The following GALNT17 variants were observed in gnomAD, a reference collection of about 807,000 sequenced individuals.
GALNT17 encodes the protein UDP-GalNAc:polypeptide N-acetylgalactosaminyltransferase-like 3.
A neutral mutation model predicts 63.7 loss-of-function variants in GALNT17; 29 were observed. The observed-to-expected ratio is 0.46, with a 90% CI of 0.34 to 0.62. The LOEUF is 0.62. Among genes scored for constraint, GALNT17 ranks in the 20% least tolerant of loss-of-function variants. The pLI, the probability that GALNT17 is intolerant of heterozygous loss-of-function variation, is 0.01. For synonymous variants in GALNT17, 305 were observed against 318.3 expected (o/e 0.96, Z 0.45); for missense variants, 603 against 799.6 (o/e 0.75, Z 2.97).
intron 1 of GALNT17, among the ~76,000 whole-genome samples, chr7:71,268,549 CAATAAATAAATAAATAAATAAATA>C (rs3061640): frequency 1.5e-5 from 2 of 135,238 alleles, no homozygotes; most frequent in Non-Finnish European, 3.1e-5. Flanking sequence ...AGATCCATCT[CAATAAATAAATAAATAAATAAATA>C]AATAAATAAA....
intron 5 of GALNT17, among the ~76,000 whole-genome samples, chr7:71,457,940 A>T (rs973430818): frequency 5.9e-5 from 9 of 152,080 alleles, no homozygotes; most frequent in Admixed American, 1.3e-4. Flanking sequence ...TACACATTTT[A>T]TCCAGAACAG....
chr7:71,410,248 ATT>A (rs201714940), intron 3 of GALNT17, among the ~76,000 whole-genome samples: 18,060 of 141,088 alleles, frequency 0.13, 1,222 homozygotes, highest in Middle Eastern at 0.2. Context: ...TTCTTTCCTG[ATT>A]TTTTTTTTTT....
rs148889916 is a variant in GALNT17 at position 71,627,419 on chromosome 7, G to A, written c.1081-37992G>A. ...GGGCAACAGAGACAGACCCGGTCTC[G>A]AAAAGAAAATAAAAGGAAAAGAAAG... On this transcript the variant is annotated intron_variant, in intron 6 of 10. Coordinates refer to ENST00000333538, the MANE Select transcript of GALNT17 (RefSeq NM_022479.3). Among the ~76,000 whole-genome samples the A allele has an allele frequency of 4.0e-3, 605 of 152,218 alleles. 4 individuals are homozygous for A. Among genetic ancestry groups the A allele is most frequent in the African/African-American group, 0.014 (566 of 41,538 alleles).
intron 6 of GALNT17, among the ~76,000 whole-genome samples, chr7:71,636,117 T>G (rs1790525689): frequency 6.6e-6 from 1 of 152,198 alleles, no homozygotes; most frequent in Admixed American, 6.5e-5. Context: ...AATGATCAAG[T>G]CAGGCCATTT....
At chr7:71,233,640 G>T (rs966399047) in intron 1 of GALNT17, among the ~76,000 whole-genome samples, 1 of 152,148 alleles carries the variant, frequency 6.6e-6, no homozygotes, top group African/African-American at 2.4e-5. Context: ...AGCCTGTGAT[G>T]GCAAGAGTCT....
At chr7:71,642,200 C>T (rs1331452737) in intron 6 of GALNT17, among the ~76,000 whole-genome samples, 1 of 152,194 alleles carries the variant, frequency 6.6e-6, no homozygotes, top group Non-Finnish European at 1.5e-5. Flanking sequence ...CCAAAGAATC[C>T]TTCCCTTACA....
chr7:71,399,190 C>T lies in GALNT17; in HGVS notation c.589+10789C>T, dbSNP rs184235769. 3.9e-4 allele frequency among the ~76,000 whole-genome samples: 59 copies of T among 152,240 alleles called. 4 individuals are homozygous for T. The highest frequency in any genetic ancestry group is 3.4e-3 in the Middle Eastern group (1 of 294). On this transcript the variant is annotated intron_variant, in intron 3 of 10. Transcript: ENST00000333538. ...TGGAGGTTGCAGTGAGCTGAGATTG[C>T]GCCACGGCACTCCAGCCTGGGCAAC...
chr7:71,344,320 TG>T (rs1165329912), intron 2 of GALNT17, among the ~76,000 whole-genome samples: 1 of 152,154 alleles, frequency 6.6e-6, no homozygotes, highest in Admixed American at 6.6e-5. Context: ...AGAAAGGAAT[TG>T]CAATTCCAGG....
chr7:71,630,453 G>A (rs1357416049), intron 6 of GALNT17, among the ~76,000 whole-genome samples: 1 of 152,106 alleles, frequency 6.6e-6, no homozygotes, highest in African/African-American at 2.4e-5. Flanking sequence ...CTTTTTGTCT[G>A]GCTGACTCTG....
At chr7:71,226,801 G>C (rs1403811961) in intron 1 of GALNT17, among the ~76,000 whole-genome samples, 1 of 152,050 alleles carries the variant, frequency 6.6e-6, no homozygotes, top group Non-Finnish European at 1.5e-5. Flanking sequence ...CTTCAAAGCA[G>C]TGGAGTCACA....
At chr7:71,447,506 A>T (rs1274331601) in intron 5 of GALNT17, among the ~76,000 whole-genome samples, 4 of 152,194 alleles carry the variant, frequency 2.6e-5, no homozygotes, top group Non-Finnish European at 5.9e-5. Flanking sequence ...AAAATCAAAA[A>T]AAAAATCTGA....
At chr7:71,702,472 C>T (rs1338323031) in intron 9 of GALNT17, among the ~76,000 whole-genome samples, 1 of 152,054 alleles carries the variant, frequency 6.6e-6, no homozygotes, top group Non-Finnish European at 1.5e-5. Flanking sequence ...GCTGGAAGTT[C>T]TGGAAGCTCA....
chr7:71,236,195 A>T (rs895768916), intron 1 of GALNT17, among the ~76,000 whole-genome samples: 2 of 102,580 alleles, frequency 1.9e-5, no homozygotes, highest in Admixed American at 8.8e-5. Flanking sequence ...AAAATTAAAT[A>T]AAAAAAAAAA....
chr7:71,517,733 A>G (rs181751758), intron 5 of GALNT17, among the ~76,000 whole-genome samples: 71 of 152,322 alleles, frequency 4.7e-4, no homozygotes, highest in Non-Finnish European at 8.1e-4. Flanking sequence ...GTTTAGAGAA[A>G]TTGGTGGTGA....
chr7:71,201,256 T>TAA (rs1473357619), intron 1 of GALNT17, among the ~76,000 whole-genome samples: 1 of 149,570 alleles, frequency 6.7e-6, no homozygotes, highest in African/African-American at 2.5e-5. Flanking sequence ...TATATATATA[T>TAA]AATTTGTGTG....
rs1413723689 is a variant in GALNT17 at position 71,377,113 on chromosome 7, A to T, written c.423-11122A>T. Among the ~76,000 whole-genome samples, 109 of 82,046 alleles carry T rather than the reference A, an allele frequency of 1.3e-3. 12 individuals carry two copies. The highest frequency in any genetic ancestry group is 0.01 in the South Asian group (29 of 2,850). 53.8% of individuals were successfully genotyped at this position (82,046 alleles called of 152,430 possible). On this transcript the variant is annotated intron_variant, in intron 2 of 10. Transcript: ENST00000333538. ...AAAAAAAAAAAAATAAAAATAAAAAAAATATATATATATATATATATATAT... is the reference window on the plus strand; with the variant it reads ...AAAAAAAAAAAAATAAAAATAAAAATAATATATATATATATATATATATAT...
intron 5 of GALNT17, among the ~76,000 whole-genome samples, chr7:71,533,015 C>T (rs926577728): frequency 2.6e-5 from 4 of 152,158 alleles, no homozygotes; most frequent in African/African-American, 9.7e-5. Context: ...GCTCATGTTT[C>T]TCTTTGACTA....
At position 71,273,703 on chromosome 7, in the gene GALNT17, T is replaced by C. The variant is rs113539008; in HGVS notation, c.239-61847T>C. Among the ~76,000 whole-genome samples the C allele has an allele frequency of 4.4e-3, 671 of 152,332 alleles. 5 individuals carry two copies. Among genetic ancestry groups the C allele is most frequent in the African/African-American group, 0.015 (643 of 41,572 alleles). On this transcript the variant is annotated intron_variant, in intron 1 of 10. Coordinates refer to ENST00000333538, the MANE Select transcript of GALNT17 (RefSeq NM_022479.3). ...ACTTTAGAGCCAACAGATGTTTCTT[T>C]TAAGAACATAGGAAAAGAGAGTGAG...
At chr7:71,677,117 T>C (rs1037272197) in intron 8 of GALNT17, 94 bp from the exon 9 acceptor site, 17 of 1,274,584 alleles carry the variant, frequency 1.3e-5, no homozygotes, top group Non-Finnish European at 1.8e-5. Context: ...CTTCCCATCA[T>C]GAAGTTGGAA....
Sources: gnomAD v4.1 joint callset for allele counts (sites outside exome capture counted in the v4.1 genomes callset) on GRCh38, gnomAD v4.1.1 for gene constraint, MANE v1.5 for transcripts, NCBI Gene and HGNC (gene_info 2026-07-23, HGNC 2026-07-21) for gene names.